The following PPP2R2B variants were observed in gnomAD, a reference collection of about 807,000 sequenced individuals.
PPP2R2B encodes protein phosphatase 2 regulatory subunit Bbeta.
A neutral mutation model predicts 46.0 loss-of-function variants in PPP2R2B; 5 were observed. The ratio of observed to expected loss-of-function variants is 0.11; its 90% CI spans 0.06 to 0.23. PPP2R2B has a LOEUF of 0.23. PPP2R2B is among the 10% of genes least tolerant of loss of function. PPP2R2B has a pLI of 1.00. For missense variants in PPP2R2B, 367 were observed against 575.0 expected (o/e 0.64, Z 3.70); for synonymous variants, 215 against 206.7 (o/e 1.04, Z -0.34).
intron 1 of PPP2R2B, among the ~76,000 whole-genome samples, chr5:146,931,455 G>A (rs1393250058): frequency 6.6e-6 from 1 of 152,050 alleles, no homozygotes; most frequent in Non-Finnish European, 1.5e-5. Context: ...GTGCTGTTTT[G>A]ATCAACTTAA....
rs147533219 is a variant in PPP2R2B at position 146,897,727 on chromosome 5, T to C, written c.79+157938A>G. Among the ~76,000 whole-genome samples, 292 of 152,060 alleles carry C rather than the reference T, an allele frequency of 1.9e-3. 1 individual carries two copies. The highest frequency in any genetic ancestry group is 6.7e-3 in the African/African-American group (277 of 41,458). ...ATAAATAAATAAATCCTAATTTGTA[T>C]GTGCAGAAACATTTAAAAGGAGAAT... On this transcript the variant is annotated intron_variant, in intron 1 of 8. Coordinates refer to the PPP2R2B transcript ENST00000336640.
intron 6 of PPP2R2B, among the ~76,000 whole-genome samples, chr5:146,644,632 G>A (rs1775457725): frequency 1.3e-5 from 2 of 152,258 alleles, no homozygotes; most frequent in South Asian, 2.1e-4. Flanking sequence ...ACCAGAGATT[G>A]GGATTCAGTT....
chr5:147,014,312 G>C (rs1372027419), intron 1 of PPP2R2B, among the ~76,000 whole-genome samples: 2 of 148,936 alleles, frequency 1.3e-5, no homozygotes, highest in African/African-American at 5.0e-5. Flanking sequence ...TTCAACCATT[G>C]TGGAAGTCAG....
At chr5:146,658,303 G>T (rs1274150615) in intron 5 of PPP2R2B, among the ~76,000 whole-genome samples, 3 of 152,236 alleles carry the variant, frequency 2.0e-5, no homozygotes, top group East Asian at 3.9e-4. Flanking sequence ...TCTCAGAGGG[G>T]CTTGGAAATT....
intron 1 of PPP2R2B, among the ~76,000 whole-genome samples, chr5:146,958,706 T>G (rs756006351): frequency 5.9e-5 from 9 of 152,212 alleles, no homozygotes; most frequent in Non-Finnish European, 1.0e-4. Context: ...AACTCAAGAT[T>G]GTCCAACTTG....
intron 1 of PPP2R2B, among the ~76,000 whole-genome samples, chr5:146,941,242 T>C (rs1216134076): frequency 6.6e-6 from 1 of 152,220 alleles, no homozygotes; most frequent in Admixed American, 6.5e-5. Flanking sequence ...GCCATATGTC[T>C]GTTCACAATG....
chr5:146,725,393 G>GA (rs944458772), intron 2 of PPP2R2B, among the ~76,000 whole-genome samples: 3 of 151,834 alleles, frequency 2.0e-5, no homozygotes, highest in Non-Finnish European at 2.9e-5. Context: ...CAGAAGGCTG[G>GA]AAAAAAAATC....
chr5:146,706,292 C>T (rs1357868605), intron 2 of PPP2R2B: 3 of 521,506 alleles, frequency 5.8e-6, no homozygotes, highest in African/African-American at 1.9e-5. Flanking sequence ...GGAGCTGGTG[C>T]GGCTGAAGGA....
rs140326834 is a variant in PPP2R2B at position 146,696,530 on chromosome 5, T to C, written c.334+1449A>G. Among the ~76,000 whole-genome samples, 21 of 152,340 alleles carry C rather than the reference T, an allele frequency of 1.4e-4. No homozygotes were observed. The East Asian group carries it at 4.0e-3, about 29-fold the overall frequency. On this transcript the variant is annotated intron_variant, in intron 4 of 9. Transcript: ENST00000394411. ...AATTAAGTCAAAATCATCAGAAGTC[T>C]CTTTTATTCCAAGTAGTGTTGAATC... is the stretch of plus-strand genomic sequence containing the variant.
At chr5:146,667,328 GCGCGCACACACACACACACACA>G (rs1423786014) in intron 5 of PPP2R2B, among the ~76,000 whole-genome samples, 1 of 126,174 alleles carries the variant, frequency 7.9e-6, no homozygotes, top group African/African-American at 3.4e-5. Flanking sequence ...ATAGGCGTGC[GCGCGCACACACACACACACACA>G]CACACACACA....
intron 2 of PPP2R2B, among the ~76,000 whole-genome samples, chr5:146,859,463 G>T (rs1760858138): frequency 1.3e-5 from 2 of 152,208 alleles, no homozygotes. Context: ...AAAGACAACT[G>T]AATTGTTTGA....
Position 146,878,657 on chromosome 5 carries a change from C to A in PPP2R2B, c.-191G>T. On this transcript the variant is annotated 5_prime_UTR_variant, in exon 1 of 10. Coordinates refer to ENST00000394411, the MANE Select transcript of PPP2R2B (RefSeq NM_181675.4). The surrounding 1 kb of genome is among the most constrained non-coding windows in gnomAD (Gnocchi z 4.5). ...CGGCAGGCGGGGGTAGGGAAGCTGGCGGGGAGCTGGGCAGGGCGCTGCAGC... is the reference window on the plus strand; with the variant it reads ...CGGCAGGCGGGGGTAGGGAAGCTGGAGGGGAGCTGGGCAGGGCGCTGCAGC... 1 of 1,262,798 alleles carries A rather than the reference C, an allele frequency of 7.9e-7. No homozygotes were observed. The highest frequency in any genetic ancestry group is 1.4e-5 in the South Asian group (1 of 70,656). The allele number at this position is 1,262,798 out of a possible 1,614,324, so 78.2% of individuals were successfully genotyped here.
chr5:147,065,646 G>A (rs1187184640), intron 2 of PPP2R2B, among the ~76,000 whole-genome samples: 1 of 152,058 alleles, frequency 6.6e-6, no homozygotes, highest in East Asian at 1.9e-4. Flanking sequence ...GGGTTGGAGC[G>A]AGGTTGAGGG....
intron 7 of PPP2R2B, among the ~76,000 whole-genome samples, chr5:146,625,901 T>G (rs1268621844): frequency 6.6e-6 from 1 of 152,018 alleles, no homozygotes; most frequent in African/African-American, 2.4e-5. Flanking sequence ...GACAGAGAGA[T>G]GTGATATGAG....
chr5:146,718,220 T>C (rs1430800284), intron 2 of PPP2R2B, among the ~76,000 whole-genome samples: 1 of 151,878 alleles, frequency 6.6e-6, no homozygotes, highest in Non-Finnish European at 1.5e-5. Context: ...TAATCCTATC[T>C]CTACAAAAAA....
At chr5:146,647,495 G>A (rs985603553) in intron 6 of PPP2R2B, among the ~76,000 whole-genome samples, 10 of 152,192 alleles carry the variant, frequency 6.6e-5, no homozygotes, top group Non-Finnish European at 1.0e-4. Flanking sequence ...ACTTATCATC[G>A]TTCTCATGAT....
chr5:146,822,593 A>G (rs1758335696), intron 2 of PPP2R2B, among the ~76,000 whole-genome samples: 1 of 141,594 alleles, frequency 7.1e-6, no homozygotes, highest in South Asian at 2.2e-4. Flanking sequence ...TCCATCTAAT[A>G]TATTTGTTTA....
intron 2 of PPP2R2B, among the ~76,000 whole-genome samples, chr5:146,797,004 C>G (rs968760470): frequency 1.3e-5 from 2 of 152,174 alleles, no homozygotes; most frequent in Non-Finnish European, 2.9e-5. Flanking sequence ...AGTAGTAAAT[C>G]AGCTAAACTC....
intron 2 of PPP2R2B, among the ~76,000 whole-genome samples, chr5:147,068,340 G>A (rs1757473506): frequency 6.6e-6 from 1 of 152,102 alleles, no homozygotes; most frequent in South Asian, 2.1e-4. Context: ...TATTCAAAGT[G>A]ACACAGAAAG....
Sources: allele counts gnomAD v4.1 joint callset (sites outside exome capture counted in the v4.1 genomes callset), GRCh38; gene constraint gnomAD v4.1.1; non-coding constraint Gnocchi (gnomAD v3.1); transcripts MANE v1.5; gene names NCBI Gene and HGNC (gene_info 2026-07-23, HGNC 2026-07-21).